TPRA1: variants seen among roughly 807,000 people sequenced by gnomAD.
TPRA1 encodes the protein transmembrane protein adipocyte associated 1, also known as transmembrane protein adipocyte-associated 1.
TPRA1 carries 28 observed loss-of-function variants against 40.1 expected under a neutral mutation model. That is an observed-to-expected ratio of 0.70 (90% confidence interval 0.52 to 0.96). TPRA1 has a LOEUF of 0.96. Among genes scored for constraint, TPRA1 ranks in the 40% least tolerant of loss-of-function variants. The probability of loss-of-function intolerance (pLI) is 0.00; values close to 1 mark genes in which losing one functional copy is unlikely to be tolerated. For synonymous variants in TPRA1, 219 were observed against 209.7 expected (o/e 1.04, Z -0.38); for missense variants, 441 against 482.6 (o/e 0.91, Z 0.81).
chr3:127,574,663 G>C (rs1392337005), intron 10 of TPRA1, among the ~76,000 whole-genome samples: 1 of 152,240 alleles, frequency 6.6e-6, no homozygotes, highest in Non-Finnish European at 1.5e-5. Flanking sequence ...ATGAATGCTT[G>C]CGAATGAATG....
At chr3:127,596,307 G>A (rs573228304) in intron 1 of TPRA1, among the ~76,000 whole-genome samples, 7 of 152,276 alleles carry the variant, frequency 4.6e-5, no homozygotes, top group African/African-American at 1.7e-4. Context: ...TTGAACTCCT[G>A]ACCTCAGGTG....
At chr3:127,582,439 G>A (rs1165614574) in intron 1 of TPRA1, among the ~76,000 whole-genome samples, 1 of 152,106 alleles carries the variant, frequency 6.6e-6, no homozygotes, top group Non-Finnish European at 1.5e-5. Flanking sequence ...GGAGGCTCAT[G>A]CCAGTAATCC....
In TPRA1 at chr3:127,573,082, CCTTTTT is replaced by C. The variant is rs965489887; in HGVS notation, c.*433_*438del. 1.3e-5 allele frequency: 2 copies of C among 154,320 alleles called. No individual in the cohort carries two copies. The highest frequency in any genetic ancestry group is 2.9e-5 in the Non-Finnish European group (2 of 69,440). The allele number at this position is 154,320 out of a possible 1,614,324, so 9.6% of individuals were successfully genotyped here. A position where few individuals can be genotyped will look rare whatever the true frequency, so the allele number is the denominator to read the frequency against. ...CACATTAGCACCTTCTGCTCCTTTT[CCTTTTT>C]ATTAAAAAATAGATCAAGAAAATAT... On this transcript the variant is annotated 3_prime_UTR_variant, in exon 11 of 11. Coordinates refer to ENST00000355552, the MANE Select transcript of TPRA1 (RefSeq NM_001136053.4).
chr3:127,580,405 A>C (rs1576378193), intron 1 of TPRA1: 1 of 458,250 alleles, frequency 2.2e-6, no homozygotes, highest in South Asian at 2.8e-5. Context: ...TAACAAAGCC[A>C]CCCCCTCAGC....
chr3:127,579,849 A>C lies in TPRA1; in HGVS notation c.149T>G (p.Leu50Arg), dbSNP rs1049707944. The C allele has an allele frequency of 6.2e-7, 1 of 1,613,968 alleles. No homozygotes were observed. The highest frequency in any genetic ancestry group is 8.5e-7 in the Non-Finnish European group (1 of 1,180,016). Residue 50 changes from leucine to arginine, a missense_variant, in exon 3 of 11, where the codon CTG (leucine) becomes CGG (arginine). Coordinates refer to ENST00000355552, the MANE Select transcript of TPRA1 (RefSeq NM_001136053.4). Reference protein sequence around the residue: ...TSRVRYWDLLLLIPNVLFLIF... With the variant: ...TSRVRYWDLLRLIPNVLFLIF... ...GAGGAAGAGCACATTGGGGATGAGC[A>C]GCAAGAGGTCCCAGTACCGGACCCT...
intron 2 of TPRA1, 66 bp from the exon 3 acceptor site, chr3:127,579,938 A>C (rs1235143515): frequency 6.2e-7 from 1 of 1,608,740 alleles, no homozygotes; most frequent in Non-Finnish European, 8.5e-7. Flanking sequence ...TCCAAGACAC[A>C]ATCTGCCCCA....
rs750345418 is a variant in TPRA1, at chr3:127,575,336, C to A, written c.773+67G>T. 3 of 1,578,540 alleles carry A rather than the reference C, an allele frequency of 1.9e-6. No homozygotes were observed. The Admixed American group carries it at 5.6e-5, about 29-fold the overall frequency. On this transcript the variant is annotated intron_variant, in intron 9 of 10. Transcript: ENST00000355552. The stretch of plus-strand genomic sequence containing the variant: ...ACTCCACACCTCCCCATGCCCCCAG[C>A]GGGTGGACACCCTGCCGCCCACTTC...
In TPRA1 at chr3:127,571,403, A is replaced by C. The variant is rs1034963941; in HGVS notation, c.*2118T>G. The C allele has an allele frequency of 1.3e-5, 2 of 152,208 alleles. No homozygotes were observed. Among genetic ancestry groups the C allele is most frequent in the Non-Finnish European group, 2.9e-5 (2 of 68,048 alleles). 9.4% of individuals were successfully genotyped at this position (152,208 alleles called of 1,614,324 possible). On this transcript the variant is annotated 3_prime_UTR_variant, in exon 11 of 11. Transcript: ENST00000355552. ...ATAAGAGTAATTAAAACTAATTAAG[A>C]CTGTGTGCTCCAGCAATTCTACTTG...
At position 127,580,180 on chromosome 3, in the gene TPRA1, C is replaced by T. The variant is rs1233114404; in HGVS notation, c.-17-17G>A. Reference sequence around the variant, plus strand: ...CAGCCAGCCCTGGGGGAGTGAGAGCCGCCCAGTGAGCTGTGTGGCCTGGGC... The same window carrying T: ...CAGCCAGCCCTGGGGGAGTGAGAGCTGCCCAGTGAGCTGTGTGGCCTGGGC... On this transcript the variant is annotated splice_polypyrimidine_tract_variant and intron_variant, in intron 1 of 10. Transcript: ENST00000355552. The T allele has an allele frequency of 7.5e-6, 12 of 1,604,368 alleles. No individual in the cohort carries two copies. Among genetic ancestry groups the T allele is most frequent in the South Asian group, 4.4e-5 (4 of 90,680 alleles).
At chr3:127,583,642 G>C (rs900631493) in intron 1 of TPRA1, among the ~76,000 whole-genome samples, 22 of 152,032 alleles carry the variant, frequency 1.4e-4, no homozygotes, top group Middle Eastern at 3.2e-3. Flanking sequence ...CTGTTGGGAG[G>C]GGGGCAAAGA....
In TPRA1 at chr3:127,576,225, T is replaced by C. The variant is rs974757460; in HGVS notation, c.499-175A>G. ...CCCTGGCCATGTCCTGCCCAACTGA[T>C]TGCAGCATCCAGAGCCGGCCCAGTC... On this transcript the variant is annotated intron_variant, in intron 6 of 10. Coordinates refer to ENST00000355552, the MANE Select transcript of TPRA1 (RefSeq NM_001136053.4). The surrounding 1 kb of genome is among the most constrained non-coding windows in gnomAD (Gnocchi z 4.6). Among the ~76,000 whole-genome samples, 10 of 152,262 alleles carry C rather than the reference T, an allele frequency of 6.6e-5. No homozygotes were observed. Among genetic ancestry groups the C allele is most frequent in the South Asian group, 2.1e-4 (1 of 4,822 alleles).
At chr3:127,595,232 T>C (rs973659484), upstream of TPRA1, among the ~76,000 whole-genome samples, 4 of 152,160 alleles carry the variant, frequency 2.6e-5, no homozygotes, top group African/African-American at 9.7e-5. Flanking sequence ...CCACCCACCT[T>C]TCTGTCTCTC....
chr3:127,580,482 C>T, intron 1 of TPRA1: 1 of 280,978 alleles, frequency 3.6e-6, no homozygotes. Context: ...ATGAGAGCAG[C>T]GTGGGTAAGA....
At chr3:127,583,832 G>A (rs1348341335) in intron 1 of TPRA1, among the ~76,000 whole-genome samples, 4 of 151,930 alleles carry the variant, frequency 2.6e-5, no homozygotes, top group East Asian at 1.9e-4. Context: ...CACCATACCC[G>A]GCTAATTTTT....
Position 127,572,693 on chromosome 3 carries a change from G to A in TPRA1, c.*828C>T, listed in dbSNP as rs1214125829. Among the ~76,000 whole-genome samples the A allele has an allele frequency of 6.6e-6, 1 of 152,232 alleles. No individual in the cohort carries two copies. The highest frequency in any genetic ancestry group is 1.9e-4 in the East Asian group (1 of 5,202). On this transcript the variant is annotated 3_prime_UTR_variant, in exon 11 of 11. Coordinates refer to ENST00000355552, the MANE Select transcript of TPRA1 (RefSeq NM_001136053.4). ...TTTTCCAATCCTTACAAAAGGCCCTGCAGGATGGGTCTTCTCCGCATTTTA... is the reference window on the plus strand; with the variant it reads ...TTTTCCAATCCTTACAAAAGGCCCTACAGGATGGGTCTTCTCCGCATTTTA...
chr3:127,580,949 T>C (rs950135453), intron 1 of TPRA1, among the ~76,000 whole-genome samples: 10 of 152,148 alleles, frequency 6.6e-5, no homozygotes, highest in African/African-American at 2.2e-4. Context: ...GGTGGGTCCA[T>C]AGGCCAGAGG....
Position 127,576,110 on chromosome 3 carries a change from G to T in TPRA1, c.499-60C>A. 1 of 1,387,354 alleles carries T rather than the reference G, an allele frequency of 7.2e-7. No homozygotes were observed. 85.9% of individuals were successfully genotyped at this position (1,387,354 alleles called of 1,614,324 possible). The stretch of plus-strand genomic sequence containing the variant: ...GATCTCAAGGCTTCTCTCTCCCAGG[G>T]GCTTTCCCTGATGCAAAGCCCCCTA... On this transcript the variant is annotated intron_variant, in intron 6 of 10. Transcript: ENST00000355552. The surrounding 1 kb of genome is among the most constrained non-coding windows in gnomAD (Gnocchi z 4.6).
chr3:127,576,066 G>C lies in TPRA1; in HGVS notation c.499-16C>G. The C allele has an allele frequency of 6.3e-7, 1 of 1,578,344 alleles. No individual in the cohort carries two copies. Among genetic ancestry groups the C allele is most frequent in the Non-Finnish European group, 8.7e-7 (1 of 1,148,518 alleles). ...CCAGGGTCCCCTGCAGGGGCAAGCA[G>C]GAAGGGAGGAAGGGAGAGGATCTCA... On this transcript the variant is annotated splice_polypyrimidine_tract_variant and intron_variant, in intron 6 of 10. Coordinates refer to ENST00000355552, the MANE Select transcript of TPRA1 (RefSeq NM_001136053.4). This position sits in a 1 kb window ranked among gnomAD's most constrained non-coding sequence, Gnocchi z 4.6.
chr3:127,588,921 C>T (rs1216978979), intron 1 of TPRA1, among the ~76,000 whole-genome samples: 3 of 152,180 alleles, frequency 2.0e-5, no homozygotes, highest in Non-Finnish European at 4.4e-5. Context: ...TAGACTGATG[C>T]TCCCAAGCAC....
Sources: allele counts gnomAD v4.1 joint callset (sites outside exome capture counted in the v4.1 genomes callset), GRCh38; gene constraint gnomAD v4.1.1; non-coding constraint Gnocchi (gnomAD v3.1); transcripts MANE v1.5; gene names NCBI Gene and HGNC (gene_info 2026-07-23, HGNC 2026-07-21).